Variants in HACD4 observed in about 807,000 individuals in gnomAD.
HACD4 encodes very-long-chain (3R)-3-hydroxyacyl-CoA dehydratase 4.
A neutral mutation model predicts 33.3 loss-of-function variants in HACD4; 35 were observed. The ratio of observed to expected loss-of-function variants is 1.05; its 90% CI spans 0.80 to 1.39. The LOEUF (loss-of-function observed/expected upper bound fraction) is 1.39. HACD4 is among the 40% of genes most tolerant of loss of function. The probability of loss-of-function intolerance (pLI) is 0.00; values close to 1 mark genes in which losing one functional copy is unlikely to be tolerated. For synonymous variants in HACD4, 118 were observed against 98.0 expected (o/e 1.20, Z -1.21); for missense variants, 323 against 276.5 (o/e 1.17, Z -1.19).
chr9:21,007,032 G>A lies in HACD4; in HGVS notation c.*5C>T, dbSNP rs574614838. On this transcript the variant is annotated 3_prime_UTR_variant, in exon 7 of 7. Transcript: ENST00000495827. ...TTTTCTCGTGTCACACTGGAATGCTGTACTTCACATCTTCTTTTTTTTAAT... is the reference window on the plus strand; with the variant it reads ...TTTTCTCGTGTCACACTGGAATGCTATACTTCACATCTTCTTTTTTTTAAT... 1.4e-5 allele frequency: 21 copies of A among 1,509,014 alleles called. No homozygotes were observed. The Admixed American group carries it at 3.2e-4, about 23-fold the overall frequency. 93.5% of individuals were successfully genotyped at this position (1,509,014 alleles called of 1,614,324 possible). A position where few individuals can be genotyped will look rare whatever the true frequency, so the allele number is the denominator to read the frequency against.
At chr9:21,017,296 G>A (rs769311180) in intron 3 of HACD4, among the ~76,000 whole-genome samples, 5 of 152,210 alleles carry the variant, frequency 3.3e-5, no homozygotes, top group Admixed American at 6.5e-5. Context: ...GCATGTTTAC[G>A]ACATGACTAC....
At position 21,026,604 on chromosome 9, in the gene HACD4, A is replaced by C; in HGVS notation, c.262T>G (p.Phe88Val). Residue 88 changes from phenylalanine (F) to valine (V), a missense_variant, in exon 3 of 7, where the codon TTT (phenylalanine) becomes GTT (valine). Phe to Val is a conservative substitution (Grantham distance 50). Coordinates refer to ENST00000495827, the MANE Select transcript of HACD4 (RefSeq NM_001010915.5). ...ATGTGATTCAAACCTACCTGCAAAA[A>C]CCTTGGGAGAAGATGGTTTGACTCA... ...GIESNHLLPR[F>V]LQLTERIIIL... 1 of 1,610,444 alleles carries C rather than the reference A, an allele frequency of 6.2e-7. No individual in the cohort carries two copies. Among genetic ancestry groups the C allele is most frequent in the Non-Finnish European group, 8.5e-7 (1 of 1,178,486 alleles).
chr9:21,014,955 T>G (rs1842521679), intron 4 of HACD4, among the ~76,000 whole-genome samples: 1 of 152,148 alleles, frequency 6.6e-6, no homozygotes, highest in Non-Finnish European at 1.5e-5. Flanking sequence ...CTAGAAAGCT[T>G]CAATCCCAAA....
intron 3 of HACD4, among the ~76,000 whole-genome samples, chr9:21,020,580 C>T (rs988579411): frequency 1.3e-5 from 2 of 152,180 alleles, no homozygotes; most frequent in South Asian, 4.1e-4. Context: ...TCCAATTCAA[C>T]ATTTTTTTCT....
Position 21,001,707 on chromosome 9 carries a change from G to A in HACD4, c.*5330C>T, listed in dbSNP as rs778658705. 11 of 152,078 alleles carry A rather than the reference G, an allele frequency of 7.2e-5. No homozygotes were observed. The highest frequency in any genetic ancestry group is 6.6e-5 in the Admixed American group (1 of 15,256). The allele number at this position is 152,078 out of a possible 1,614,324, so 9.4% of individuals were successfully genotyped here. ...GAAACTTTGGAGGCCAGAATGCAGT[G>A]AGCTCACATATTCAAAGTGTTAGGA... On this transcript the variant is annotated 3_prime_UTR_variant, in exon 7 of 7. Coordinates refer to ENST00000495827, the MANE Select transcript of HACD4 (RefSeq NM_001010915.5).
At position 21,031,629 on chromosome 9, in the gene HACD4, G is replaced by A; in HGVS notation, c.-39C>T. 1.5e-6 allele frequency: 2 copies of A among 1,352,120 alleles called. No individual in the cohort carries two copies. The highest frequency in any genetic ancestry group is 1.9e-6 in the Non-Finnish European group (2 of 1,056,406). The allele number at this position is 1,352,120 out of a possible 1,614,324, so 83.8% of individuals were successfully genotyped here. A position where few individuals can be genotyped will look rare whatever the true frequency, so the allele number is the denominator to read the frequency against. ...CAGGGCTTCCAGCGCGGTCCAGGAA[G>A]GAGTACCGGGGAGGAGGCAGGGGCG... is the stretch of plus-strand genomic sequence containing the variant. On this transcript the variant is annotated 5_prime_UTR_variant, in exon 1 of 7. Coordinates refer to ENST00000495827, the MANE Select transcript of HACD4 (RefSeq NM_001010915.5).
At position 21,029,408 on chromosome 9, in the gene HACD4, C is replaced by T; in HGVS notation, c.39-10G>A. 5 of 1,455,096 alleles carry T rather than the reference C, an allele frequency of 3.4e-6. No homozygotes were observed. The highest frequency in any genetic ancestry group is 4.8e-6 in the Non-Finnish European group (5 of 1,047,144). The allele number at this position is 1,455,096 out of a possible 1,614,324, so 90.1% of individuals were successfully genotyped here. On this transcript the variant is annotated splice_polypyrimidine_tract_variant and intron_variant, in intron 1 of 6. Coordinates refer to ENST00000495827, the MANE Select transcript of HACD4 (RefSeq NM_001010915.5). The stretch of plus-strand genomic sequence containing the variant: ...CGCATTCTTCCTATACCTATAAATA[C>T]AGGAAAATACCATTAAACACTTCTT...
chr9:21,023,128 A>G (rs1316021599), intron 3 of HACD4, among the ~76,000 whole-genome samples: 1 of 151,436 alleles, frequency 6.6e-6, no homozygotes, highest in Non-Finnish European at 1.5e-5. Flanking sequence ...ACAGAAAAAC[A>G]AACACCACAT....
chr9:21,029,460 A>G (rs1435923556), intron 1 of HACD4, 62 bp from the exon 2 acceptor site: 1 of 1,061,818 alleles, frequency 9.4e-7, no homozygotes, highest in Non-Finnish European at 1.4e-6. Context: ...ATCACTGTAC[A>G]CATGCCCTTT....
intron 4 of HACD4, among the ~76,000 whole-genome samples, chr9:21,012,326 A>G (rs2132774004): frequency 6.6e-6 from 1 of 152,224 alleles, no homozygotes; most frequent in East Asian, 1.9e-4. Flanking sequence ...GCTGGGCCCT[A>G]CTCCAAAGTT....
chr9:21,025,002 A>G (rs1406818624), intron 3 of HACD4, among the ~76,000 whole-genome samples: 1 of 152,168 alleles, frequency 6.6e-6, no homozygotes, highest in East Asian at 1.9e-4. Context: ...CACATTGTAA[A>G]TAAGTAATAA....
intron 2 of HACD4, among the ~76,000 whole-genome samples, chr9:21,028,538 C>G (rs753926183): frequency 6.6e-6 from 1 of 152,190 alleles, no homozygotes; most frequent in East Asian, 1.9e-4. Flanking sequence ...ATGATACACA[C>G]GTCTGAAATG....
chr9:21,021,046 C>A (rs1014881301), intron 3 of HACD4, among the ~76,000 whole-genome samples: 2 of 152,152 alleles, frequency 1.3e-5, no homozygotes, highest in Non-Finnish European at 2.9e-5. Flanking sequence ...AAGTTGGCTT[C>A]ATCCCTGGGA....
chr9:21,015,610 CTTT>C, intron 4 of HACD4: 1 of 243,994 alleles, frequency 4.1e-6, no homozygotes. Context: ...TGAGGAATGC[CTTT>C]GTTAGGAAAC....
At chr9:21,026,239 T>A (rs1284068003) in intron 3 of HACD4, among the ~76,000 whole-genome samples, 1 of 152,200 alleles carries the variant, frequency 6.6e-6, no homozygotes, top group South Asian at 2.1e-4. Flanking sequence ...GATCCCATAG[T>A]GGTAAGCAGA....
chr9:21,029,224 T>G, intron 2 of HACD4, 71 bp downstream of exon 2: 1 of 876,444 alleles, frequency 1.1e-6, no homozygotes, highest in South Asian at 1.5e-5. Flanking sequence ...GTGTAGAAAT[T>G]TAATATAAGC....
chr9:21,014,997 T>C (rs1398443603), intron 4 of HACD4: 1 of 152,164 alleles, frequency 6.6e-6, no homozygotes, highest in South Asian at 2.1e-4. Flanking sequence ...ACAGAAGTTA[T>C]GGGCTACAAA....
At chr9:21,017,245 T>C (rs1842577755) in intron 3 of HACD4, among the ~76,000 whole-genome samples, 1 of 152,122 alleles carries the variant, frequency 6.6e-6, no homozygotes. Context: ...TTGCCAACAG[T>C]GGGCCACATG....
rs1484789252 is a variant in HACD4 at position 21,001,239 on chromosome 9, G to GA, written c.*5797dup. On this transcript the variant is annotated 3_prime_UTR_variant, in exon 7 of 7. Transcript: ENST00000495827. Reference sequence around the variant, plus strand: ...AACAAAATGGTAATATCAATATAGAGAAAATCTAAGACGATACAAAAAAGA... The same window carrying GA: ...AACAAAATGGTAATATCAATATAGAGAAAAATCTAAGACGATACAAAAAAGA... The GA allele has an allele frequency of 2.0e-5, 3 of 151,794 alleles. No homozygotes were observed. Among genetic ancestry groups the GA allele is most frequent in the African/African-American group, 7.3e-5 (3 of 41,344 alleles). The allele number at this position is 151,794 out of a possible 1,614,324, so 9.4% of individuals were successfully genotyped here.
Sources: allele counts gnomAD v4.1 joint callset (sites outside exome capture counted in the v4.1 genomes callset), GRCh38; gene constraint gnomAD v4.1.1; transcripts MANE v1.5; gene names NCBI Gene and HGNC (gene_info 2026-07-23, HGNC 2026-07-21).